CACNA1I: variants seen among roughly 807,000 people sequenced by gnomAD.
CACNA1I encodes voltage-dependent T-type calcium channel subunit alpha-1I.
CACNA1I carries 74 observed loss-of-function variants against 201.6 expected under a neutral mutation model. The observed-to-expected ratio is 0.37, with a 90% CI of 0.30 to 0.45. The LOEUF is 0.45. Among genes scored for constraint, CACNA1I ranks in the 20% least tolerant of loss-of-function variants. The pLI is 1.00. For missense variants in CACNA1I, 2,346 were observed against 3,138.1 expected (o/e 0.75, Z 6.03); for synonymous variants, 1,431 against 1,345.2 (o/e 1.06, Z -1.40).
At chr22:39,640,016 T>G (rs969296401) in intron 5 of CACNA1I, among the ~76,000 whole-genome samples, 1 of 152,232 alleles carries the variant, frequency 6.6e-6, no homozygotes, top group Admixed American at 6.5e-5. Context: ...TGATTAGGAT[T>G]GCAATGAAGC....
intron 1 of CACNA1I, among the ~76,000 whole-genome samples, chr22:39,574,950 C>T (rs1481703514): frequency 6.6e-6 from 1 of 152,230 alleles, no homozygotes; most frequent in Non-Finnish European, 1.5e-5. Flanking sequence ...TGACTCAGCT[C>T]CTCTTCCAGC....
rs1021543370 is a variant in CACNA1I, at chr22:39,662,151, G to T, written c.3088G>T (p.Ala1030Ser). The T allele has an allele frequency of 1.3e-6, 2 of 1,525,264 alleles. No individual in the cohort carries two copies. The highest frequency in any genetic ancestry group is 1.8e-6 in the Non-Finnish European group (2 of 1,140,046). The allele number at this position is 1,525,264 out of a possible 1,614,324, so 94.5% of individuals were successfully genotyped here. ...VAADEGPPRA[A>S]PLHTPHAHHI... ...CGCGGACGAGGGGCCGCCGCGGGCC[G>T]CACCCCTGCACACCCCACACGCCCA... Residue 1030 changes from alanine to serine, a missense_variant, in exon 17 of 37, where the codon GCA (alanine) becomes TCA (serine). Physicochemically the swap from Ala to Ser is moderately conservative, Grantham distance 99. This residue lies in a region of CACNA1I where 288 missense variants were observed against 255.2 expected (regional missense o/e 1.13). Transcript: ENST00000402142.
chr22:39,654,002 G>T (rs547064958), intron 10 of CACNA1I, among the ~76,000 whole-genome samples: 1 of 152,318 alleles, frequency 6.6e-6, no homozygotes, highest in Admixed American at 6.5e-5. Flanking sequence ...AGCTGGGGTG[G>T]CCAGGCTTCT....
intron 1 of CACNA1I, among the ~76,000 whole-genome samples, chr22:39,582,629 G>A (rs1388958445): frequency 6.6e-6 from 1 of 152,034 alleles, no homozygotes; most frequent in South Asian, 2.1e-4. Context: ...TGAAGGAGGA[G>A]GAGGAGATGG....
intron 7 of CACNA1I, among the ~76,000 whole-genome samples, chr22:39,643,716 G>A (rs774023835): frequency 1.1e-4 from 16 of 152,236 alleles, no homozygotes; most frequent in Non-Finnish European, 1.9e-4. Flanking sequence ...GACACCTGCT[G>A]TTGTCTAAGC....
At position 39,676,397 on chromosome 22, in the gene CACNA1I, G is replaced by A. The variant is rs138920720; in HGVS notation, c.4855-944G>A. ...AGTGGAGCGGAGAAACTCGAGGAGT[G>A]GTGATTAATGGGGTTTACTTTTCAG... is the stretch of plus-strand genomic sequence containing the variant. On this transcript the variant is annotated intron_variant, in intron 29 of 36. Transcript: ENST00000402142. This position sits in a 1 kb window ranked among gnomAD's most constrained non-coding sequence, Gnocchi z 4.8. Among the ~76,000 whole-genome samples the A allele has an allele frequency of 6.0e-4, 91 of 152,296 alleles. No individual in the cohort carries two copies. The highest frequency in any genetic ancestry group is 1.7e-3 in the South Asian group (8 of 4,824).
chr22:39,632,920 C>A (rs1010789807), intron 4 of CACNA1I, among the ~76,000 whole-genome samples: 2 of 151,002 alleles, frequency 1.3e-5, no homozygotes, highest in Non-Finnish European at 3.0e-5. Flanking sequence ...AAGCAGCCTG[C>A]AGGCAAGCTC....
rs778521990 is a variant in CACNA1I at position 39,570,773 on chromosome 22, G to A, written c.21G>A (p.Pro7=). 14 of 1,608,500 alleles carry A rather than the reference G, an allele frequency of 8.7e-6. No homozygotes were observed. Among genetic ancestry groups the A allele is most frequent in the Admixed American group, 6.8e-5 (4 of 59,156 alleles). The change falls in exon 1 of 37, where the codon CCG becomes CCA. Residue 7 remains proline, a synonymous_variant. Transcript: ENST00000402142. ...TGGACATGGCTGAGAGCGCCTCCCCGCCCTCCTCATCTGCAGCAGCCCCAG... is the reference window on the plus strand; with the variant it reads ...TGGACATGGCTGAGAGCGCCTCCCCACCCTCCTCATCTGCAGCAGCCCCAG... MAESAS[P]PSSSAAAPAA...
chr22:39,591,163 T>C (rs1217291284), intron 1 of CACNA1I, among the ~76,000 whole-genome samples: 1 of 145,428 alleles, frequency 6.9e-6, no homozygotes, highest in African/African-American at 2.6e-5. Flanking sequence ...GGATTCTTTT[T>C]TTTTTTTTTT....
intron 1 of CACNA1I, among the ~76,000 whole-genome samples, chr22:39,586,509 T>A (rs995055586): frequency 6.6e-5 from 10 of 150,528 alleles, no homozygotes; most frequent in African/African-American, 2.4e-4. Context: ...AATAAATAAA[T>A]AAATAAATAA....
chr22:39,598,074 G>T, intron 1 of CACNA1I, 77 bp from the exon 2 acceptor site: 1 of 778,486 alleles, frequency 1.3e-6, no homozygotes. Context: ...GGTGGGTTGC[G>T]GGTATTACAC....
At chr22:39,645,641 T>C (rs2146425162) in intron 7 of CACNA1I, among the ~76,000 whole-genome samples, 1 of 152,276 alleles carries the variant, frequency 6.6e-6, no homozygotes, top group Admixed American at 6.5e-5. Flanking sequence ...TCATCACTGA[T>C]GAGGCTGCAG....
At chr22:39,653,851 C>T (rs894115831) in intron 10 of CACNA1I, among the ~76,000 whole-genome samples, 4 of 152,218 alleles carry the variant, frequency 2.6e-5, no homozygotes, top group Admixed American at 1.3e-4. Context: ...TCTTGCAGGG[C>T]CTGGCCTAGA....
At chr22:39,590,306 G>A (rs1422531273) in intron 1 of CACNA1I, among the ~76,000 whole-genome samples, 1 of 152,224 alleles carries the variant, frequency 6.6e-6, no homozygotes, top group East Asian at 1.9e-4. Flanking sequence ...CTGGCTGGGG[G>A]ACCTTGAGGC....
At chr22:39,583,530 A>C (rs1441975779) in intron 1 of CACNA1I, among the ~76,000 whole-genome samples, 2 of 151,986 alleles carry the variant, frequency 1.3e-5, no homozygotes, top group Non-Finnish European at 2.9e-5. Context: ...CCATCCCTCC[A>C]CTCAACCTTT....
intron 1 of CACNA1I, among the ~76,000 whole-genome samples, chr22:39,583,242 A>G (rs1932638090): frequency 6.6e-6 from 1 of 151,790 alleles, no homozygotes; most frequent in African/African-American, 2.4e-5. Context: ...CCATCCATCC[A>G]TTCATTCATC....
chr22:39,681,159 A>G (rs1935693661), intron 34 of CACNA1I, 107 bp downstream of exon 34: 1 of 1,297,306 alleles, frequency 7.7e-7, no homozygotes, highest in Non-Finnish European at 1.0e-6. Context: ...TGTAAACGGC[A>G]CCCACTGTGC....
At chr22:39,624,171 T>C (rs12483993) in intron 4 of CACNA1I, among the ~76,000 whole-genome samples, 4,286 of 151,960 alleles carry the variant, frequency 0.028, 81 homozygotes, top group African/African-American at 0.052. Context: ...TGTGAGGGTG[T>C]GTGTGTGTGA....
At chr22:39,616,944 T>C (rs1313427405) in intron 3 of CACNA1I, among the ~76,000 whole-genome samples, 1 of 152,022 alleles carries the variant, frequency 6.6e-6, no homozygotes, top group Admixed American at 6.6e-5. Flanking sequence ...TGGAGCCTGG[T>C]GGCCGTGTAG....
Sources: allele counts gnomAD v4.1 joint callset (sites outside exome capture counted in the v4.1 genomes callset), GRCh38; gene constraint gnomAD v4.1.1; regional missense constraint gnomAD v4.1.1; non-coding constraint Gnocchi (gnomAD v3.1); transcripts MANE v1.5; gene names NCBI Gene and HGNC (gene_info 2026-07-23, HGNC 2026-07-21).